Variants in LCMT1 observed in about 807,000 individuals in gnomAD.
LCMT1 encodes the protein [Phosphatase 2A protein]-leucine-carboxy methyltransferase 1.
Under a neutral mutation model 47.7 loss-of-function variants are expected in LCMT1, and 32 were observed. The observed-to-expected ratio is 0.67, with a 90% CI of 0.51 to 0.90. The LOEUF (loss-of-function observed/expected upper bound fraction) is 0.90. LCMT1 is among the 40% of genes least tolerant of loss of function. The probability of loss-of-function intolerance (pLI) is 0.00; values close to 1 mark genes in which losing one functional copy is unlikely to be tolerated. For missense variants in LCMT1, 375 were observed against 415.2 expected, an observed-to-expected ratio of 0.90 and a Z score of 0.84; for synonymous variants, 152 against 149.7, an observed-to-expected ratio of 1.02 and a Z score of -0.11.
At chr16:25,147,610 GC>G (rs1311924964) in intron 4 of LCMT1, 2 of 152,030 alleles carry the variant, frequency 1.3e-5, no homozygotes, top group Non-Finnish European at 2.9e-5. Context: ...ATCCACTTCT[GC>G]CCATGGCCAT....
chr16:25,169,399 C>A, intron 8 of LCMT1, 186 bp downstream of exon 8: 1 of 539,058 alleles, frequency 1.9e-6, no homozygotes, highest in Non-Finnish European at 3.3e-6. Context: ...TTCACCATCA[C>A]ATTTCCTACA....
chr16:25,150,083 A>G lies in LCMT1; in HGVS notation c.405-1471A>G, dbSNP rs555118375. 8.5e-5 allele frequency among the ~76,000 whole-genome samples: 13 copies of G among 152,216 alleles called. No homozygotes were observed. The Middle Eastern group carries it at 0.01, about 119-fold the overall frequency. On this transcript the variant is annotated intron_variant, in intron 4 of 10. Coordinates refer to ENST00000399069, the MANE Select transcript of LCMT1 (RefSeq NM_016309.3). ...CAAGGAGTTTACAGAGTTGCAGATG[A>G]CAGGTTTGCTAATGTGTGCTGAGAG...
chr16:25,170,195 G>A (rs1961714862), intron 8 of LCMT1, among the ~76,000 whole-genome samples: 1 of 152,006 alleles, frequency 6.6e-6, no homozygotes, highest in Non-Finnish European at 1.5e-5. Flanking sequence ...ACTCCAGCCT[G>A]GGCAACAGAG....
chr16:25,137,531 TCC>T (rs1458281565), intron 3 of LCMT1, among the ~76,000 whole-genome samples: 1 of 152,006 alleles, frequency 6.6e-6, no homozygotes, highest in Admixed American at 6.6e-5. Flanking sequence ...TGTAGCCTCC[TCC>T]TCCCAGGCTC....
chr16:25,156,004 A>G (rs1405570085), intron 5 of LCMT1, among the ~76,000 whole-genome samples: 1 of 152,182 alleles, frequency 6.6e-6, no homozygotes, highest in Non-Finnish European at 1.5e-5. Flanking sequence ...GACCACAGTA[A>G]CTATGATCTA....
intron 1 of LCMT1, among the ~76,000 whole-genome samples, chr16:25,118,721 T>A (rs1439793217): frequency 6.6e-6 from 1 of 151,868 alleles, no homozygotes; most frequent in African/African-American, 2.4e-5. Flanking sequence ...GGGGAAGCAA[T>A]GTCCAGCAGA....
Position 25,140,200 on chromosome 16 carries a change from T to C in LCMT1, c.357T>C (p.Phe119=), listed in dbSNP as rs1284121664. 6.2e-7 allele frequency: 1 copy of C among 1,609,292 alleles called. No homozygotes were observed. The highest frequency in any genetic ancestry group is 1.7e-5 in the Admixed American group (1 of 59,452). ...AAGATCTTCTCCCAAGTAAATATTT[T>C]GAGGTTGACTTTCCAATGATTGTCA... ...KDEDLLPSKY[F]EVDFPMIVTR... Residue 119 remains phenylalanine (F), a synonymous_variant, in exon 4 of 11, where the codon TTT becomes TTC. Transcript: ENST00000399069.
At chr16:25,121,069 A>T (rs982883500) in intron 1 of LCMT1, among the ~76,000 whole-genome samples, 1 of 150,918 alleles carries the variant, frequency 6.6e-6, no homozygotes, top group Non-Finnish European at 1.5e-5. Flanking sequence ...CCTTGTTTTC[A>T]TTTTTTTAAG....
intron 9 of LCMT1, among the ~76,000 whole-genome samples, 177 bp downstream of exon 9, chr16:25,170,982 G>T (rs1961749010): frequency 6.6e-6 from 1 of 152,190 alleles, no homozygotes; most frequent in South Asian, 2.1e-4. Context: ...TGTAATCCCA[G>T]CACTTTGGGA....
chr16:25,161,772 A>G (rs1442460196), intron 6 of LCMT1, among the ~76,000 whole-genome samples: 3 of 152,176 alleles, frequency 2.0e-5, no homozygotes, highest in Non-Finnish European at 4.4e-5. Flanking sequence ...TTTGTAACAT[A>G]TAAAGAAAAG....
intron 4 of LCMT1, among the ~76,000 whole-genome samples, chr16:25,148,510 C>T (rs1960947709): frequency 6.6e-6 from 1 of 152,172 alleles, no homozygotes; most frequent in Admixed American, 6.5e-5. Flanking sequence ...GCCAGGGCAC[C>T]CAGTAGTTCC....
intron 4 of LCMT1, chr16:25,144,334 G>T (rs1390317669): frequency 1.3e-5 from 2 of 152,186 alleles, no homozygotes; most frequent in Non-Finnish European, 2.9e-5. Flanking sequence ...TGCCATTTTG[G>T]GGAGGAAGGG....
intron 1 of LCMT1, among the ~76,000 whole-genome samples, chr16:25,127,687 T>G (rs961165942): frequency 3.2e-4 from 48 of 152,200 alleles, no homozygotes; most frequent in African/African-American, 1.1e-3. Flanking sequence ...GAAGCCTGAC[T>G]CAAATTGGCT....
At chr16:25,159,357 G>C (rs1326482834) in intron 5 of LCMT1, among the ~76,000 whole-genome samples, 1 of 152,108 alleles carries the variant, frequency 6.6e-6, no homozygotes, top group Non-Finnish European at 1.5e-5. Context: ...GCAGCCTTGA[G>C]CTCCTGGGCT....
At chr16:25,114,298 A>G (rs925677153) in intron 1 of LCMT1, among the ~76,000 whole-genome samples, 1 of 152,142 alleles carries the variant, frequency 6.6e-6, no homozygotes, top group Non-Finnish European at 1.5e-5. Flanking sequence ...TGCAGGTGAA[A>G]TGTGGAGTGC....
chr16:25,114,143 C>CTGAG (rs1295019680), intron 1 of LCMT1, among the ~76,000 whole-genome samples: 1 of 152,212 alleles, frequency 6.6e-6, no homozygotes, highest in East Asian at 1.9e-4. Context: ...TCCTGCTGCC[C>CTGAG]TGAGTGAGTT....
intron 1 of LCMT1, among the ~76,000 whole-genome samples, chr16:25,113,729 G>C (rs996252676): frequency 6.6e-6 from 1 of 152,110 alleles, no homozygotes; most frequent in South Asian, 2.1e-4. Context: ...TCCACCTGCC[G>C]GGTTCAAGTG....
intron 1 of LCMT1, among the ~76,000 whole-genome samples, chr16:25,113,113 C>G (rs1302645176): frequency 7.1e-6 from 1 of 140,648 alleles, no homozygotes. Flanking sequence ...TGCACTCCAA[C>G]CTGGATGAGA....
intron 4 of LCMT1, chr16:25,141,283 C>T (rs1430454791): frequency 6.6e-6 from 1 of 152,130 alleles, no homozygotes; most frequent in East Asian, 1.9e-4. Flanking sequence ...TGATGGAGCC[C>T]CAGATGGTTT....
Sources: allele counts gnomAD v4.1 joint callset (sites outside exome capture counted in the v4.1 genomes callset), GRCh38; gene constraint gnomAD v4.1.1; transcripts MANE v1.5; gene names NCBI Gene and HGNC (gene_info 2026-07-23, HGNC 2026-07-21).